Variants in LUZP2 observed in about 807,000 individuals in gnomAD.
LUZP2 encodes the protein leucine zipper protein 2.
A neutral mutation model predicts 51.6 loss-of-function variants in LUZP2; 52 were observed. That is an observed-to-expected ratio of 1.01 (90% CI 0.81 to 1.27). The LOEUF is 1.27. Among genes scored for constraint, LUZP2 ranks in the 50% most tolerant of loss-of-function variants. The pLI, the probability that LUZP2 is intolerant of heterozygous loss-of-function variation, is 0.00. For synonymous variants in LUZP2, 154 were observed against 137.3 expected (o/e 1.12, Z -0.85); for missense variants, 436 against 395.4 (o/e 1.10, Z -0.87).
At chr11:24,947,139 A>G (rs188900631) in intron 7 of LUZP2, among the ~76,000 whole-genome samples, 11 of 152,132 alleles carry the variant, frequency 7.2e-5, no homozygotes, top group African/African-American at 2.2e-4. Flanking sequence ...ATTTCCATAT[A>G]TTTTGTATAT....
intron 1 of LUZP2, among the ~76,000 whole-genome samples, chr11:24,561,870 T>C (rs1848730): frequency 0.42 from 62,928 of 151,178 alleles, 13,624 homozygotes; most frequent in African/African-American, 0.51. Context: ...GCACTAGATG[T>C]AGAAAAAAGC....
chr11:24,587,165 C>T (rs1276722928), intron 1 of LUZP2, among the ~76,000 whole-genome samples: 3 of 152,010 alleles, frequency 2.0e-5, no homozygotes, highest in South Asian at 2.1e-4. Context: ...CATAGATGTA[C>T]GTAGGATCTC....
At chr11:24,896,364 C>T (rs773747962) in intron 5 of LUZP2, among the ~76,000 whole-genome samples, 7 of 152,140 alleles carry the variant, frequency 4.6e-5, no homozygotes, top group Non-Finnish European at 4.4e-5. Context: ...GGGGCCTCAG[C>T]GGTCCCCACA....
intron 1 of LUZP2, among the ~76,000 whole-genome samples, chr11:24,679,884 C>T (rs547439196): frequency 1.3e-5 from 2 of 152,318 alleles, no homozygotes; most frequent in African/African-American, 2.4e-5. Flanking sequence ...GTTACATACT[C>T]ATAATATACA....
chr11:24,720,463 G>A (rs1858223668), intron 1 of LUZP2, among the ~76,000 whole-genome samples: 1 of 152,140 alleles, frequency 6.6e-6, no homozygotes, highest in South Asian at 2.1e-4. Context: ...TCATACATGT[G>A]AGATGGATCA....
At chr11:25,014,074 T>A (rs1164865999) in intron 9 of LUZP2, among the ~76,000 whole-genome samples, 1 of 152,194 alleles carries the variant, frequency 6.6e-6, no homozygotes, top group Non-Finnish European at 1.5e-5. Flanking sequence ...ACAAAGGACA[T>A]GAACTCATCC....
chr11:24,962,144 T>A (rs572433436), intron 7 of LUZP2, among the ~76,000 whole-genome samples: 64 of 152,202 alleles, frequency 4.2e-4, no homozygotes, highest in African/African-American at 1.4e-3. Flanking sequence ...CTTCCCTTTG[T>A]GGGTAACCCA....
intron 1 of LUZP2, among the ~76,000 whole-genome samples, chr11:24,698,662 A>T (rs1404284109): frequency 6.6e-6 from 1 of 152,122 alleles, no homozygotes; most frequent in Non-Finnish European, 1.5e-5. Context: ...ATAATTGTTG[A>T]TTCTCTTCAA....
At chr11:24,579,621 A>T (rs1852778821) in intron 1 of LUZP2, among the ~76,000 whole-genome samples, 1 of 152,090 alleles carries the variant, frequency 6.6e-6, no homozygotes, top group African/African-American at 2.4e-5. Context: ...TAATTCTGTG[A>T]TCATGATCAT....
At chr11:24,597,415 G>A (rs1057249542) in intron 1 of LUZP2, among the ~76,000 whole-genome samples, 6 of 152,060 alleles carry the variant, frequency 3.9e-5, no homozygotes, top group African/African-American at 4.8e-5. Context: ...ATCGAAACTC[G>A]TAGTCAGCGT....
chr11:24,804,045 A>C (rs1230647416), intron 5 of LUZP2, among the ~76,000 whole-genome samples: 1 of 151,770 alleles, frequency 6.6e-6, no homozygotes, highest in East Asian at 1.9e-4. Context: ...TGCTCCTAAC[A>C]CTTCTGAAAC....
chr11:24,914,645 A>G, intron 7 of LUZP2, 107 bp downstream of exon 7: 1 of 774,294 alleles, frequency 1.3e-6, no homozygotes, highest in Non-Finnish European at 2.1e-6. Context: ...CATGAATTGG[A>G]GTTGCATTTG....
At chr11:24,540,483 A>T (rs1174165678) in intron 1 of LUZP2, among the ~76,000 whole-genome samples, 1 of 152,080 alleles carries the variant, frequency 6.6e-6, no homozygotes, top group African/African-American at 2.4e-5. Flanking sequence ...AAGAACCAAG[A>T]CTAAGACACC....
At chr11:24,755,133 A>G (rs1590457691) in intron 4 of LUZP2, among the ~76,000 whole-genome samples, 1 of 152,028 alleles carries the variant, frequency 6.6e-6, no homozygotes, top group East Asian at 1.9e-4. Context: ...TGACAAGAGC[A>G]AAACTCTGTC....
At chr11:24,780,606 T>C (rs2716542) in intron 5 of LUZP2, among the ~76,000 whole-genome samples, 91,474 of 151,888 alleles carry the variant, frequency 0.6, 28,046 homozygotes, top group Non-Finnish European at 0.68. Flanking sequence ...TTGATGATGA[T>C]GATGATCGTA....
chr11:24,606,116 G>A (rs980682002), intron 1 of LUZP2, among the ~76,000 whole-genome samples: 7 of 151,260 alleles, frequency 4.6e-5, no homozygotes, highest in Non-Finnish European at 8.9e-5. Context: ...ATATGCATAT[G>A]TATACATATA....
At chr11:24,997,464 T>A (rs1051952450) in intron 9 of LUZP2, among the ~76,000 whole-genome samples, 20 of 152,026 alleles carry the variant, frequency 1.3e-4, no homozygotes, top group African/African-American at 4.3e-4. Context: ...TTTGATGGGG[T>A]TGTTTGTCTT....
intron 1 of LUZP2, among the ~76,000 whole-genome samples, chr11:24,619,567 G>T (rs1854423277): frequency 6.6e-6 from 1 of 151,958 alleles, no homozygotes; most frequent in African/African-American, 2.4e-5. Context: ...CACATTATAG[G>T]AAAAAGTAGT....
chr11:24,884,184 C>T (rs981445077), intron 5 of LUZP2, among the ~76,000 whole-genome samples: 3 of 151,904 alleles, frequency 2.0e-5, no homozygotes, highest in Non-Finnish European at 4.4e-5. Flanking sequence ...TACTTTCTTT[C>T]CTGGTGGGAT....
Sources: gnomAD v4.1 joint callset for allele counts (sites outside exome capture counted in the v4.1 genomes callset) on GRCh38, gnomAD v4.1.1 for gene constraint, MANE v1.5 for transcripts, NCBI Gene and HGNC (gene_info 2026-07-23, HGNC 2026-07-21) for gene names.